The following PTPRD variants were observed in gnomAD, a reference collection of about 807,000 sequenced individuals.
The protein encoded by PTPRD is receptor-type tyrosine-protein phosphatase delta.
PTPRD carries 34 observed loss-of-function variants against 214.5 expected under a neutral mutation model. That is an observed-to-expected ratio of 0.16 (90% CI 0.12 to 0.21). The LOEUF (loss-of-function observed/expected upper bound fraction) is 0.21, where lower values mean the gene tolerates loss of function less well. PTPRD is among the 10% of genes least tolerant of loss of function. PTPRD has a pLI of 1.00. For missense variants in PTPRD, 2,545 were observed against 2,398.7 expected (o/e 1.06, Z -1.27); for synonymous variants, 1,128 against 845.7 (o/e 1.33, Z -5.79).
chr9:10,455,381 C>G (rs1372742332), intron 2 of PTPRD, among the ~76,000 whole-genome samples: 1 of 151,770 alleles, frequency 6.6e-6, no homozygotes, highest in Non-Finnish European at 1.5e-5. Context: ...TTACTGTCCT[C>G]TACTTGGTCC....
chr9:8,526,778 A>T lies in PTPRD; in HGVS notation c.551-134T>A, dbSNP rs547465873. 72 of 619,924 alleles carry T rather than the reference A, an allele frequency of 1.2e-4. No individual in the cohort carries two copies. In the African/African-American group the frequency reaches 1.2e-3, roughly 11 times the overall value. 38.4% of individuals were successfully genotyped at this position (619,924 alleles called of 1,614,324 possible). On this transcript the variant is annotated intron_variant, in intron 16 of 45. Coordinates refer to ENST00000381196, the MANE Select transcript of PTPRD (RefSeq NM_002839.4). ...TAAGGTCTTAAAAGAAACTTGAATTACTATATTGGTAAAACAGGAATATAT... is the reference window on the plus strand; with the variant it reads ...TAAGGTCTTAAAAGAAACTTGAATTTCTATATTGGTAAAACAGGAATATAT...
chr9:9,194,361 CATA>C (rs2099937008), intron 9 of PTPRD, among the ~76,000 whole-genome samples: 2 of 152,096 alleles, frequency 1.3e-5, no homozygotes, highest in Admixed American at 6.6e-5. Flanking sequence ...AAACTAGTAA[CATA>C]GTCGTTTATT....
At chr9:9,931,373 C>T (rs549939432) in intron 5 of PTPRD, among the ~76,000 whole-genome samples, 12 of 152,100 alleles carry the variant, frequency 7.9e-5, no homozygotes, top group Admixed American at 2.0e-4. Context: ...GTGCGTGCAC[C>T]GTGCGTGAGC....
rs564720850 is a variant in PTPRD, at chr9:8,484,468, T to C, written c.3154-90A>G. Reference sequence around the variant, plus strand: ...CCAATGTGCACTAGCTTTTGGAAAATGTATATATAGTCAATTCTAATTTTA... The same window carrying C: ...CCAATGTGCACTAGCTTTTGGAAAACGTATATATAGTCAATTCTAATTTTA... On this transcript the variant is annotated intron_variant, in intron 29 of 45. Coordinates refer to ENST00000381196, the MANE Select transcript of PTPRD (RefSeq NM_002839.4). 2.0e-5 allele frequency: 26 copies of C among 1,292,164 alleles called. 1 individual carries two copies. The African/African-American group carries it at 2.7e-4, about 13-fold the overall frequency. 80.0% of individuals were successfully genotyped at this position (1,292,164 alleles called of 1,614,324 possible).
At chr9:8,587,152 AAAAC>A (rs1049300456) in intron 14 of PTPRD, among the ~76,000 whole-genome samples, 2 of 152,210 alleles carry the variant, frequency 1.3e-5, no homozygotes, top group African/African-American at 2.4e-5. Flanking sequence ...TCCATCTAAA[AAAAC>A]AAACAAACGA....
chr9:8,771,709 G>A (rs996249194), intron 11 of PTPRD, among the ~76,000 whole-genome samples: 8 of 151,808 alleles, frequency 5.3e-5, no homozygotes, highest in Non-Finnish European at 5.9e-5. Flanking sequence ...AATTATAAGA[G>A]AACACTGTTT....
At chr9:9,528,017 A>C (rs2074541493) in intron 8 of PTPRD, among the ~76,000 whole-genome samples, 1 of 152,230 alleles carries the variant, frequency 6.6e-6, no homozygotes, top group African/African-American at 2.4e-5. Flanking sequence ...CAATTATACC[A>C]AATAATTGCC....
chr9:10,195,594 G>A (rs1185589747), intron 3 of PTPRD, among the ~76,000 whole-genome samples: 1 of 152,062 alleles, frequency 6.6e-6, no homozygotes, highest in African/African-American at 2.4e-5. Flanking sequence ...TGTGATCCCA[G>A]GTCAACTTTA....
intron 11 of PTPRD, among the ~76,000 whole-genome samples, chr9:8,759,624 T>TC (rs2094276473): frequency 8.4e-6 from 1 of 118,862 alleles, no homozygotes; most frequent in Non-Finnish European, 2.1e-5. Flanking sequence ...TCTTTTTTTT[T>TC]TTTTTTTGTC....
intron 4 of PTPRD, among the ~76,000 whole-genome samples, chr9:10,024,840 C>T: frequency 7.3e-6 from 1 of 137,466 alleles, no homozygotes; most frequent in East Asian, 2.2e-4. Flanking sequence ...TCCATGTGTT[C>T]TCATTGTTCA....
In PTPRD at chr9:10,428,238, G is replaced by A. The variant is rs972918824; in HGVS notation, c.-599-87221C>T. On this transcript the variant is annotated intron_variant, in intron 2 of 45. Transcript: ENST00000381196. ...GGAGGCTGAGGCGGGAGAATTGTTT[G>A]AACCGGGGAGACAGATGTTGCAGCG... Among the ~76,000 whole-genome samples, 15 of 152,140 alleles carry A rather than the reference G, an allele frequency of 9.9e-5. No individual in the cohort carries two copies. In the South Asian group the frequency reaches 1.7e-3, roughly 17 times the overall value.
In PTPRD at chr9:10,140,383, T is replaced by C. The variant is rs368681874; in HGVS notation, c.-544-106593A>G. Among the ~76,000 whole-genome samples, 128 of 150,344 alleles carry C rather than the reference T, an allele frequency of 8.5e-4. No homozygotes were observed. The East Asian group carries it at 0.017, about 20-fold the overall frequency. On this transcript the variant is annotated intron_variant, in intron 3 of 45. Transcript: ENST00000381196. ...TAATAAAGAAAAAAAGAGAGAAGAA[T>C]CAAATAGACGCAACAAAAAATGATA...
At chr9:10,473,590 T>C (rs1043445372) in intron 2 of PTPRD, among the ~76,000 whole-genome samples, 1 of 152,112 alleles carries the variant, frequency 6.6e-6, no homozygotes, top group African/African-American at 2.4e-5. Flanking sequence ...ACTCATTTTG[T>C]AACTAAAATA....
chr9:10,163,376 A>G (rs1377641655), intron 3 of PTPRD, among the ~76,000 whole-genome samples: 1 of 151,392 alleles, frequency 6.6e-6, no homozygotes, highest in Non-Finnish European at 1.5e-5. Context: ...GTAAACAAAA[A>G]CCATCCTTTA....
At chr9:8,652,747 T>C (rs2096837737) in intron 12 of PTPRD, among the ~76,000 whole-genome samples, 1 of 152,228 alleles carries the variant, frequency 6.6e-6, no homozygotes, top group Non-Finnish European at 1.5e-5. Context: ...CAAGTGTTTT[T>C]TTAGTGTCCA....
intron 39 of PTPRD, among the ~76,000 whole-genome samples, chr9:8,351,309 G>C (rs1029785905): frequency 1.3e-5 from 2 of 152,014 alleles, no homozygotes; most frequent in Non-Finnish European, 2.9e-5. Flanking sequence ...ACAAAACATG[G>C]TCTGAAAAGA....
intron 33 of PTPRD, among the ~76,000 whole-genome samples, chr9:8,457,935 T>C (rs2096263990): frequency 1.3e-5 from 2 of 152,134 alleles, no homozygotes; most frequent in Non-Finnish European, 2.9e-5. Context: ...CACTATTCAT[T>C]GGGTACAGAA....
intron 43 of PTPRD, among the ~76,000 whole-genome samples, chr9:8,338,705 T>G (rs776975910): frequency 3.9e-5 from 6 of 151,994 alleles, no homozygotes; most frequent in Non-Finnish European, 7.4e-5. Context: ...ATGTTATGTT[T>G]GAATGAAAGC....
At chr9:9,660,161 C>G (rs2096595050) in intron 7 of PTPRD, among the ~76,000 whole-genome samples, 1 of 151,852 alleles carries the variant, frequency 6.6e-6, no homozygotes, top group African/African-American at 2.4e-5. Context: ...GTAATTCCCC[C>G]GTGGTCAAAA....
Sources: allele counts gnomAD v4.1 joint callset (sites outside exome capture counted in the v4.1 genomes callset), GRCh38; gene constraint gnomAD v4.1.1; transcripts MANE v1.5; gene names NCBI Gene and HGNC (gene_info 2026-07-23, HGNC 2026-07-21).